TAB2: variants seen among roughly 807,000 people sequenced by gnomAD.
TAB2 encodes TGF-beta activated kinase 1 (MAP3K7) binding protein 2, also known as TGF-beta-activated kinase 1 and MAP3K7-binding protein 2.
In TAB2, 3 loss-of-function variants were observed where a neutral mutation model predicts 65.0. That is an observed-to-expected ratio of 0.05 (90% confidence interval 0.02 to 0.12). The LOEUF (loss-of-function observed/expected upper bound fraction) is 0.12, where lower values mean the gene tolerates loss of function less well. Among genes scored for constraint, TAB2 ranks in the 10% least tolerant of loss-of-function variants. The pLI is 1.00. For synonymous variants in TAB2, 298 were observed against 285.1 expected (o/e 1.05, Z -0.46); for missense variants, 623 against 840.3 (o/e 0.74, Z 3.20).
At chr6:149,359,138 C>T (rs1450133295) in intron 1 of TAB2, among the ~76,000 whole-genome samples, 4 of 152,064 alleles carry the variant, frequency 2.6e-5, no homozygotes, top group Admixed American at 2.0e-4. Context: ...GATCTTTACT[C>T]ATGGTGGATT....
In TAB2 at chr6:149,370,126, G is replaced by A. The variant is rs1781170580; in HGVS notation, c.102+27G>A. 1.9e-6 allele frequency: 3 copies of A among 1,580,200 alleles called. No individual in the cohort carries two copies. In the Admixed American group the frequency reaches 5.0e-5, roughly 26 times the overall value. ...TCAGTGTTCAATGATTTCTGAATTT[G>A]TTAATACAAACCTGGTATTTTTTTA... is the stretch of plus-strand genomic sequence containing the variant. On this transcript the variant is annotated intron_variant, in intron 2 of 6. Coordinates refer to ENST00000637181, the MANE Select transcript of TAB2 (RefSeq NM_001292034.3).
At chr6:149,405,224 C>A (rs1275633414) in intron 6 of TAB2, among the ~76,000 whole-genome samples, 1 of 152,138 alleles carries the variant, frequency 6.6e-6, no homozygotes, top group Non-Finnish European at 1.5e-5. Flanking sequence ...TACCACCTTA[C>A]AAACTTATTG....
chr6:149,270,328 C>G (rs1346050013), intron 1 of TAB2, among the ~76,000 whole-genome samples: 8 of 152,132 alleles, frequency 5.3e-5, no homozygotes, highest in Admixed American at 5.2e-4. Context: ...GTTCTTTACA[C>G]TAGTTCTTTA....
chr6:149,366,783 ATCATTTGTGTAGGTGATAG>A (rs1245989077), intron 1 of TAB2, among the ~76,000 whole-genome samples: 2 of 152,166 alleles, frequency 1.3e-5, no homozygotes, highest in Non-Finnish European at 2.9e-5. Context: ...GAAGAATGTT[ATCATTTGTGTAGGTGATAG>A]TCTTTATTAG....
At chr6:149,296,577 G>T (rs1396651578) in intron 1 of TAB2, among the ~76,000 whole-genome samples, 2 of 152,136 alleles carry the variant, frequency 1.3e-5, no homozygotes, top group South Asian at 4.2e-4. Flanking sequence ...GAAGGAGAGG[G>T]GAAATTGATT....
chr6:149,348,990 T>TA (rs1362554438), intron 1 of TAB2, among the ~76,000 whole-genome samples: 2 of 151,410 alleles, frequency 1.3e-5, no homozygotes, highest in African/African-American at 2.4e-5. Flanking sequence ...AAAAAAATCT[T>TA]AAAGATAATT....
At chr6:149,263,852 T>C (rs779028639) in intron 1 of TAB2, among the ~76,000 whole-genome samples, 1 of 152,212 alleles carries the variant, frequency 6.6e-6, no homozygotes, top group Non-Finnish European at 1.5e-5. Flanking sequence ...GGCTGCCATC[T>C]CTGTAGGCTG....
chr6:149,261,754 T>A (rs1001545240), intron 1 of TAB2, among the ~76,000 whole-genome samples: 1 of 152,238 alleles, frequency 6.6e-6, no homozygotes, highest in Admixed American at 6.5e-5. Flanking sequence ...AGAGAACAAC[T>A]AAGTTAAGCT....
At chr6:149,238,885 C>A (rs1385623890) in intron 1 of TAB2, among the ~76,000 whole-genome samples, 1 of 152,196 alleles carries the variant, frequency 6.6e-6, no homozygotes, top group Non-Finnish European at 1.5e-5. Context: ...GACGACAGAG[C>A]CTTCGCCAAT....
chr6:149,241,548 A>G lies in TAB2; in HGVS notation c.-121+22772A>G, dbSNP rs527673203. On this transcript the variant is annotated intron_variant, in intron 1 of 1. Transcript: ENST00000606202. ...ATGGACTTCTTTAAAGTCTGCTTGC[A>G]AATTGATTCCATTTGCCAGCCACCA... 5.3e-5 allele frequency among the ~76,000 whole-genome samples: 8 copies of G among 152,360 alleles called. No individual in the cohort carries two copies. The South Asian group carries it at 1.7e-3, about 32-fold the overall frequency.
At chr6:149,377,180 C>T (rs1377204095) in intron 2 of TAB2, among the ~76,000 whole-genome samples, 1 of 151,466 alleles carries the variant, frequency 6.6e-6, no homozygotes, top group Non-Finnish European at 1.5e-5. Flanking sequence ...CGCCATTCTC[C>T]TGCCTCAGCC....
chr6:149,326,156 C>A (rs539184179), intron 1 of TAB2, among the ~76,000 whole-genome samples: 1 of 150,720 alleles, frequency 6.6e-6, no homozygotes, highest in South Asian at 2.1e-4. Context: ...ATTGGTTATA[C>A]AAATAGCATT....
chr6:149,334,450 C>G (rs946105772), intron 1 of TAB2, among the ~76,000 whole-genome samples: 1 of 152,060 alleles, frequency 6.6e-6, no homozygotes, highest in Non-Finnish European at 1.5e-5. Flanking sequence ...GAGGTTGAGG[C>G]AAGAGGATTG....
At chr6:149,343,741 G>C (rs889513743) in intron 1 of TAB2, among the ~76,000 whole-genome samples, 2 of 152,106 alleles carry the variant, frequency 1.3e-5, no homozygotes, top group Non-Finnish European at 2.9e-5. Flanking sequence ...TTAACCAAGA[G>C]AAAGCTACTC....
At chr6:149,400,930 C>T (rs1782383268) in intron 6 of TAB2, 1 of 464,542 alleles carries the variant, frequency 2.2e-6, no homozygotes, top group Non-Finnish European at 3.9e-6. Flanking sequence ...CAAGTGGAGA[C>T]AGGATGGGAA....
chr6:149,292,262 A>C (rs1311411032), intron 1 of TAB2, among the ~76,000 whole-genome samples: 1 of 152,202 alleles, frequency 6.6e-6, no homozygotes, highest in African/African-American at 2.4e-5. Context: ...GGTTTAGTAC[A>C]TATTTTACAA....
At chr6:149,400,527 G>C (rs1461714170) in intron 6 of TAB2, 1 of 1,614,118 alleles carries the variant, frequency 6.2e-7, no homozygotes, top group Non-Finnish European at 8.5e-7. Flanking sequence ...ACTAATGAAA[G>C]CCTATTGTGA....
chr6:149,265,263 C>T (rs548096111), intron 1 of TAB2, among the ~76,000 whole-genome samples: 1 of 151,518 alleles, frequency 6.6e-6, no homozygotes, highest in East Asian at 1.9e-4. Flanking sequence ...TGGCGAAGAC[C>T]CTACAAAGCA....
chr6:149,219,500 T>C (rs550974262), intron 1 of TAB2, among the ~76,000 whole-genome samples: 3 of 152,362 alleles, frequency 2.0e-5, no homozygotes, highest in African/African-American at 7.2e-5. Flanking sequence ...AGATACCAAC[T>C]GAGTTATTGT....
Sources: allele counts gnomAD v4.1 joint callset (sites outside exome capture counted in the v4.1 genomes callset), GRCh38; gene constraint gnomAD v4.1.1; transcripts MANE v1.5; gene names NCBI Gene and HGNC (gene_info 2026-07-23, HGNC 2026-07-21).